Variants in PUS1 observed in about 807,000 individuals in gnomAD.
PUS1 encodes the protein pseudouridine synthase 1.
PUS1 carries 25 observed loss-of-function variants against 38.5 expected under a neutral mutation model. The ratio of observed to expected loss-of-function variants is 0.65; its 90% CI spans 0.47 to 0.91. The LOEUF (loss-of-function observed/expected upper bound fraction) is 0.91. Among genes scored for constraint, PUS1 ranks in the 40% least tolerant of loss-of-function variants. The pLI, the probability that PUS1 is intolerant of heterozygous loss-of-function variation, is 0.00. For missense variants in PUS1, 597 were observed against 612.3 expected (o/e 0.97, Z 0.26); for synonymous variants, 282 against 260.4 (o/e 1.08, Z -0.80).
chr12:131,940,118 G>A (rs867675630), intron 4 of PUS1, among the ~76,000 whole-genome samples: 6 of 151,774 alleles, frequency 4.0e-5, no homozygotes, highest in East Asian at 1.9e-4. Flanking sequence ...CTGTAGCATC[G>A]ACCACCTGGG....
At position 131,945,085 on chromosome 12, in the gene PUS1, A is replaced by G. The variant is rs1242201947; in HGVS notation, c.*1499A>G. 1 of 152,292 alleles carries G rather than the reference A, an allele frequency of 6.6e-6. No individual in the cohort carries two copies. The highest frequency in any genetic ancestry group is 1.5e-5 in the Non-Finnish European group (1 of 68,060). The allele number at this position is 152,292 out of a possible 1,614,324, so 9.4% of individuals were successfully genotyped here. On this transcript the variant is annotated 3_prime_UTR_variant, in exon 6 of 6. Transcript: ENST00000376649. Reference sequence around the variant, plus strand: ...GATGCCCCAGCGGTGCACACAACTAATGCGCATGCGCCTGACGTGCCAACA... The same window carrying G: ...GATGCCCCAGCGGTGCACACAACTAGTGCGCATGCGCCTGACGTGCCAACA...
intron 3 of PUS1, among the ~76,000 whole-genome samples, chr12:131,938,583 C>T (rs768320198): frequency 2.6e-5 from 4 of 152,152 alleles, no homozygotes; most frequent in Non-Finnish European, 5.9e-5. Flanking sequence ...CACTGCCTGT[C>T]CTCAGAAGGC....
At chr12:131,937,755 A>G (rs891633177) in intron 3 of PUS1, among the ~76,000 whole-genome samples, 2 of 152,038 alleles carry the variant, frequency 1.3e-5, no homozygotes, top group Non-Finnish European at 2.9e-5. Context: ...TCTGTTGCCC[A>G]GGCTGGTCTT....
chr12:131,941,795 G>C lies in PUS1; in HGVS notation c.1048G>C (p.Asp350His). ...FEKYNQRFGN[D>H]GLHEPLDWAQ... ...GAAGTACAACCAGCGCTTTGGCAAC[G>C]ATGGGCTGCATGAGCCGCTGGACTG... Residue 350 changes from aspartate to histidine, a missense_variant, in exon 5 of 6, where the codon GAT becomes CAT. Transcript: ENST00000376649. This position sits in a 1 kb window ranked among gnomAD's most constrained non-coding sequence, Gnocchi z 4.4. The C allele has an allele frequency of 1.2e-6, 2 of 1,613,380 alleles. No homozygotes were observed. The highest frequency in any genetic ancestry group is 1.7e-6 in the Non-Finnish European group (2 of 1,179,392).
rs760594871 is a variant in PUS1 at position 131,941,904 on chromosome 12, C to A, written c.1157C>A (p.Ser386Tyr). 6.2e-7 allele frequency: 1 copy of A among 1,613,428 alleles called. No individual in the cohort carries two copies. The highest frequency in any genetic ancestry group is 8.5e-7 in the Non-Finnish European group (1 of 1,180,050). ...TIIGTERDER[S>Y]MAQWLSTLPI... ...ATCGGCACCGAGCGGGACGAACGCT[C>A]CATGGCCCAGTGGCTGAGCACCTTG... The change falls in exon 5 of 6, where the codon TCC becomes TAC. Residue 386 changes from serine (S) to tyrosine (Y), a missense_variant. Physicochemically the swap from Ser to Tyr is moderately radical, Grantham distance 144. Coordinates refer to ENST00000376649, the MANE Select transcript of PUS1 (RefSeq NM_025215.6). This position sits in a 1 kb window ranked among gnomAD's most constrained non-coding sequence, Gnocchi z 4.4.
intron 5 of PUS1, among the ~76,000 whole-genome samples, chr12:131,942,654 C>T (rs1309799650): frequency 3.9e-5 from 6 of 152,204 alleles, no homozygotes; most frequent in African/African-American, 9.6e-5. Context: ...GATCCACCCG[C>T]CTTGGCCTCC....
In PUS1 at chr12:131,943,652, C is replaced by T; in HGVS notation, c.*66C>T. 2.2e-6 allele frequency: 3 copies of T among 1,338,802 alleles called. No individual in the cohort carries two copies. Among genetic ancestry groups the T allele is most frequent in the Non-Finnish European group, 3.2e-6 (3 of 932,980 alleles). The allele number at this position is 1,338,802 out of a possible 1,614,324, so 82.9% of individuals were successfully genotyped here. ...ACAGTGTGTGCCCAGATGTGCCACC[C>T]CTGTGGGCAGCAAGAAGCTGGGATC... is the stretch of plus-strand genomic sequence containing the variant. On this transcript the variant is annotated 3_prime_UTR_variant, in exon 6 of 6. Coordinates refer to ENST00000376649, the MANE Select transcript of PUS1 (RefSeq NM_025215.6).
rs546376223 is a variant in PUS1, at chr12:131,942,564, G to A, written c.1236+581G>A. ...TGGGACTACAGGCGCCCACCACCACGCCCGGCTCATTTTTTGTATTTTTAG... is the reference window on the plus strand; with the variant it reads ...TGGGACTACAGGCGCCCACCACCACACCCGGCTCATTTTTTGTATTTTTAG... On this transcript the variant is annotated intron_variant, in intron 5 of 5. Coordinates refer to ENST00000376649, the MANE Select transcript of PUS1 (RefSeq NM_025215.6). Among the ~76,000 whole-genome samples, 14 of 152,132 alleles carry A rather than the reference G, an allele frequency of 9.2e-5. No homozygotes were observed. The East Asian group carries it at 2.3e-3, about 25-fold the overall frequency.
Position 131,929,904 on chromosome 12 carries a change from C to G in PUS1, c.75-3C>G. 1 of 1,473,600 alleles carries G rather than the reference C, an allele frequency of 6.8e-7. No homozygotes were observed. The highest frequency in any genetic ancestry group is 8.9e-7 in the Non-Finnish European group (1 of 1,119,164). The allele number at this position is 1,473,600 out of a possible 1,614,324, so 91.3% of individuals were successfully genotyped here. ...CCCCCGCTCACGCCGCCCTTCTCCG[C>G]AGCTCGCCGCGCATGGCCGGGAACG... On this transcript the variant is annotated splice_polypyrimidine_tract_variant and splice_region_variant and intron_variant, in intron 1 of 5. Transcript: ENST00000376649.
intron 3 of PUS1, chr12:131,932,618 G>A (rs1017215074): frequency 9.9e-6 from 5 of 506,160 alleles, no homozygotes; most frequent in Admixed American, 9.7e-5. Context: ...GTCTGCTTTC[G>A]ACCCTCCAAT....
At chr12:131,942,856 C>T (rs922944980) in intron 5 of PUS1, among the ~76,000 whole-genome samples, 1 of 152,194 alleles carries the variant, frequency 6.6e-6, no homozygotes, top group African/African-American at 2.4e-5. Flanking sequence ...GTGCAGGCCC[C>T]AGGGAGGTAA....
chr12:131,937,962 C>CT (rs993864415), intron 3 of PUS1, among the ~76,000 whole-genome samples: 10 of 152,224 alleles, frequency 6.6e-5, no homozygotes, highest in African/African-American at 2.2e-4. Context: ...CAACCTCACT[C>CT]TATCAACCTG....
In PUS1 at chr12:131,943,656, T is replaced by A. The variant is rs1891184796; in HGVS notation, c.*70T>A. ...TGTGTGCCCAGATGTGCCACCCCTG[T>A]GGGCAGCAAGAAGCTGGGATCGCTG... On this transcript the variant is annotated 3_prime_UTR_variant, in exon 6 of 6. Coordinates refer to ENST00000376649, the MANE Select transcript of PUS1 (RefSeq NM_025215.6). The A allele has an allele frequency of 7.7e-7, 1 of 1,306,348 alleles. No homozygotes were observed. Among genetic ancestry groups the A allele is most frequent in the Non-Finnish European group, 1.1e-6 (1 of 903,870 alleles). The allele number at this position is 1,306,348 out of a possible 1,614,324, so 80.9% of individuals were successfully genotyped here. A position where few individuals can be genotyped will look rare whatever the true frequency, so the allele number is the denominator to read the frequency against.
chr12:131,930,296 C>T (rs1890543570), intron 2 of PUS1, among the ~76,000 whole-genome samples, 161 bp downstream of exon 2: 1 of 152,216 alleles, frequency 6.6e-6, no homozygotes, highest in Non-Finnish European at 1.5e-5. Flanking sequence ...TTCACTGCTC[C>T]TGCTGCACGC....
Position 131,930,074 on chromosome 12 carries a change from C to A in PUS1, c.242C>A (p.Pro81Gln), listed in dbSNP as rs748792895. 2 of 1,436,924 alleles carry A rather than the reference C, an allele frequency of 1.4e-6. No homozygotes were observed. Among genetic ancestry groups the A allele is most frequent in the Admixed American group, 5.5e-5 (2 of 36,134 alleles). 89.0% of individuals were successfully genotyped at this position (1,436,924 alleles called of 1,614,324 possible). ...GGCGACGAGGAGCGGCGCGAGAAGC[C>A]GCCCAAGCGGAAGATCGTGCTGCTC... is the stretch of plus-strand genomic sequence containing the variant. The part of the protein sequence containing the change: ...SGGDEERREK[P>Q]PKRKIVLLMA... The change falls in exon 2 of 6, where the codon CCG becomes CAG. Residue 81 changes from proline to glutamine, a missense_variant. Coordinates refer to ENST00000376649, the MANE Select transcript of PUS1 (RefSeq NM_025215.6).
In PUS1 at chr12:131,941,974, G is replaced by A. The variant is rs759432103; in HGVS notation, c.1227G>A (p.Thr409=). ...CCACCGCTCTCACGGCAGGTGGCAC[G>A]GGCGCCAAGGTAGGGGCACAGTCCC... ...FSATALTAGG[T]GAKVPSPLEG... is the part of the protein sequence containing the mutation. Residue 409 remains threonine, a synonymous_variant, in exon 5 of 6, where the codon ACG becomes ACA. Coordinates refer to ENST00000376649, the MANE Select transcript of PUS1 (RefSeq NM_025215.6). The surrounding 1 kb of genome is among the most constrained non-coding windows in gnomAD (Gnocchi z 4.4). 2.9e-5 allele frequency: 47 copies of A among 1,612,002 alleles called. No homozygotes were observed. Among genetic ancestry groups the A allele is most frequent in the Non-Finnish European group, 3.6e-5 (42 of 1,179,536 alleles).
intron 2 of PUS1, among the ~76,000 whole-genome samples, chr12:131,931,068 G>T (rs537725991): frequency 6.6e-6 from 1 of 152,200 alleles, no homozygotes; most frequent in Non-Finnish European, 1.5e-5. Flanking sequence ...CATGCAGTGC[G>T]TGCAGTGTCT....
In PUS1 at chr12:131,941,459, T is replaced by C; in HGVS notation, c.712T>C (p.Cys238Arg). The C allele has an allele frequency of 1.2e-6, 2 of 1,613,298 alleles. No individual in the cohort carries two copies. Among genetic ancestry groups the C allele is most frequent in the Non-Finnish European group, 1.7e-6 (2 of 1,179,238 alleles). Reference sequence around the variant, plus strand: ...GCAGCAGGTCAACAGGCTCCTGGCCTGCTACAAGGGCACGCACAACTTCCA... The same window carrying C: ...GCAGCAGGTCAACAGGCTCCTGGCCCGCTACAAGGGCACGCACAACTTCCA... ...TLQQVNRLLA[C>R]YKGTHNFHNF... The change falls in exon 5 of 6, where the codon TGC becomes CGC. Residue 238 changes from cysteine to arginine, a missense_variant. Physicochemically the swap from Cys to Arg is radical, Grantham distance 180. Transcript: ENST00000376649. The surrounding 1 kb of genome is among the most constrained non-coding windows in gnomAD (Gnocchi z 4.4).
At chr12:131,939,667 T>G (rs977615412) in intron 4 of PUS1, among the ~76,000 whole-genome samples, 1 of 152,214 alleles carries the variant, frequency 6.6e-6, no homozygotes, top group Non-Finnish European at 1.5e-5. Context: ...TTATTCTGTT[T>G]GTTTTTTGAG....
Sources: gnomAD v4.1 joint callset for allele counts (sites outside exome capture counted in the v4.1 genomes callset) on GRCh38, gnomAD v4.1.1 for gene constraint, Gnocchi (gnomAD v3.1) non-coding constraint, MANE v1.5 for transcripts, NCBI Gene and HGNC (gene_info 2026-07-23, HGNC 2026-07-21) for gene names.